CEP290: variants seen among roughly 807,000 people sequenced by gnomAD.
The protein encoded by CEP290 is centrosomal protein 290.
CEP290 carries 317 observed loss-of-function variants against 344.9 expected under a neutral mutation model. That is an observed-to-expected ratio of 0.92 (90% confidence interval 0.84 to 1.01). CEP290 has a LOEUF of 1.01. Ranked by LOEUF, CEP290 falls within the 50% of genes least tolerant of loss-of-function variation. CEP290 has a pLI of 0.00. For missense variants in CEP290, 2,754 were observed against 2,761.4 expected, an observed-to-expected ratio of 1.00 and a Z score of 0.06; for synonymous variants, 932 against 895.8, an observed-to-expected ratio of 1.04 and a Z score of -0.72.
Position 88,111,228 on chromosome 12 carries a change from T to C in CEP290, c.2341A>G (p.Asn781Asp). The C allele has an allele frequency of 7.1e-7, 1 of 1,417,344 alleles. No homozygotes were observed. The allele number at this position is 1,417,344 out of a possible 1,614,324, so 87.8% of individuals were successfully genotyped here. The change falls in exon 22 of 54, where the codon AAT (asparagine) becomes GAT (aspartate). Residue 781 changes from asparagine (N) to aspartate (D), a missense_variant. Physicochemically the swap from Asn to Asp is conservative, Grantham distance 23 (BLOSUM62 1). Coordinates refer to ENST00000552810, the MANE Select transcript of CEP290 (RefSeq NM_025114.4). ...PSSASIINSQ[N>D]EYLIHLLQEL... ...TGTAACAAATGTATTAAATATTCAT[T>C]CTGAGAATTAATGATACTGGCACTA...
chr12:88,076,946 G>A (rs921151991), intron 41 of CEP290, among the ~76,000 whole-genome samples: 1 of 151,996 alleles, frequency 6.6e-6, no homozygotes, highest in African/African-American at 2.4e-5. Flanking sequence ...AACTTCAGAG[G>A]TACTCTAATG....
At position 88,129,709 on chromosome 12, in the gene CEP290, A is replaced by ATCGT. The variant is rs1489175048; in HGVS notation, c.833_836dup (p.Asp279GlufsTer20). The ATCGT allele has an allele frequency of 1.4e-6, 2 of 1,435,970 alleles. No individual in the cohort carries two copies. The highest frequency in any genetic ancestry group is 1.9e-6 in the Non-Finnish European group (2 of 1,066,254). 89.0% of individuals were successfully genotyped at this position (1,435,970 alleles called of 1,614,324 possible). On this transcript the variant is annotated frameshift_variant, in exon 10 of 54. Transcript: ENST00000552810. LOFTEE classifies it high-confidence loss of function. ...TAATTCTTACTTGAAGTTGATAATG[A>ATCGT]TCGTTTTCTTTTTTTAACTGATCTA... is the stretch of plus-strand genomic sequence containing the variant.
chr12:88,054,946 T>C (rs1202656718), intron 50 of CEP290, among the ~76,000 whole-genome samples: 1 of 152,138 alleles, frequency 6.6e-6, no homozygotes, highest in Non-Finnish European at 1.5e-5. Flanking sequence ...GTTTGGATTG[T>C]TTAAAGTACT....
rs767725492 is a variant in CEP290 at position 88,130,328 on chromosome 12, G to A, written c.609C>T (p.Asp203=). 45 of 1,609,054 alleles carry A rather than the reference G, an allele frequency of 2.8e-5. No individual in the cohort carries two copies. The highest frequency in any genetic ancestry group is 1.7e-4 in the Middle Eastern group (1 of 6,034). The change falls in exon 9 of 54, where the codon GAC becomes GAT. Residue 203 remains aspartate (D), a synonymous_variant. Transcript: ENST00000552810. The part of the protein sequence containing the change: ...TLLSRRGEDS[D]YRSQLSKKNY... The stretch of plus-strand genomic sequence containing the variant: ...TTTTTTTAGACAACTGTGATCGGTA[G>A]TCACTGTCTTCCCCTCTTCTTGATA...
chr12:88,094,612 C>A (rs1437049591), intron 27 of CEP290, among the ~76,000 whole-genome samples: 1 of 151,796 alleles, frequency 6.6e-6, no homozygotes, highest in Non-Finnish European at 1.5e-5. Flanking sequence ...GGAAAGAGAA[C>A]TAAAAGCCTC....
chr12:88,097,610 TAC>T (rs34989046), intron 26 of CEP290, among the ~76,000 whole-genome samples: 16,739 of 144,190 alleles, frequency 0.12, 1,224 homozygotes, highest in African/African-American at 0.21. Flanking sequence ...CACACACACA[TAC>T]ACACACACAC....
At chr12:88,052,115 C>T (rs1420426784) in intron 52 of CEP290, among the ~76,000 whole-genome samples, 1 of 152,138 alleles carries the variant, frequency 6.6e-6, no homozygotes, top group African/African-American at 2.4e-5. Context: ...AGCATAGTGT[C>T]TAGTACAACT....
At position 88,130,660 on chromosome 12, in the gene CEP290, T is replaced by G. The variant is rs554099350; in HGVS notation, c.496-95A>C. The G allele has an allele frequency of 1.1e-4, 135 of 1,185,786 alleles. No homozygotes were observed. In the African/African-American group the frequency reaches 1.4e-3, roughly 12 times the overall value. 73.5% of individuals were successfully genotyped at this position (1,185,786 alleles called of 1,614,324 possible). On this transcript the variant is annotated intron_variant, in intron 7 of 53. Transcript: ENST00000552810. ...GAAACTAAAGAAAACAAAAAAATTT[T>G]GGGAAAATGATGCATATTATCTTGA...
intron 49 of CEP290, among the ~76,000 whole-genome samples, chr12:88,057,051 C>A (rs950643382): frequency 1.3e-5 from 2 of 152,066 alleles, no homozygotes; most frequent in African/African-American, 4.8e-5. Flanking sequence ...CGTTCTCAGA[C>A]GAAAAACACG....
intron 13 of CEP290, among the ~76,000 whole-genome samples, chr12:88,123,168 C>T (rs949224702): frequency 1.3e-5 from 2 of 152,008 alleles, no homozygotes; most frequent in Non-Finnish European, 2.9e-5. Context: ...TATTATTGTT[C>T]CAGAAGTTCT....
intron 26 of CEP290, among the ~76,000 whole-genome samples, chr12:88,102,427 T>C (rs988530124): frequency 6.6e-6 from 1 of 152,134 alleles, no homozygotes; most frequent in Non-Finnish European, 1.5e-5. Context: ...CATGGGAGAA[T>C]AGTTTGTTCT....
chr12:88,084,347 A>G (rs2036414397), intron 35 of CEP290, among the ~76,000 whole-genome samples: 1 of 152,118 alleles, frequency 6.6e-6, no homozygotes, highest in Non-Finnish European at 1.5e-5. Context: ...ATTTTTCAAA[A>G]TCATATGATT....
intron 26 of CEP290, among the ~76,000 whole-genome samples, chr12:88,098,195 C>T (rs995569231): frequency 6.6e-6 from 1 of 151,830 alleles, no homozygotes; most frequent in Non-Finnish European, 1.5e-5. Context: ...ATCCCAGCTA[C>T]TCAGGAGACT....
chr12:88,092,435 A>G (rs1008954383), intron 29 of CEP290, among the ~76,000 whole-genome samples: 1 of 152,144 alleles, frequency 6.6e-6, no homozygotes, highest in Admixed American at 6.5e-5. Flanking sequence ...ACCTTTCTGC[A>G]ATAATATTCC....
In CEP290 at chr12:88,111,252, T is replaced by A. The variant is rs748976722; in HGVS notation, c.2317A>T (p.Ser773Cys). The A allele has an allele frequency of 4.6e-6, 7 of 1,508,100 alleles. No homozygotes were observed. Among genetic ancestry groups the A allele is most frequent in the Non-Finnish European group, 5.3e-6 (6 of 1,126,808 alleles). The allele number at this position is 1,508,100 out of a possible 1,614,324, so 93.4% of individuals were successfully genotyped here. Residue 773 changes from serine to cysteine, a missense_variant, in exon 22 of 54, where the codon AGT (serine) becomes TGT (cysteine). Transcript: ENST00000552810. The part of the protein sequence containing the change: ...IDLPDGIAPS[S>C]ASIINSQNEY... ...TTCTGAGAATTAATGATACTGGCACTAGATGGTGCTATCCCATCAGGTAAG... is the reference window on the plus strand; with the variant it reads ...TTCTGAGAATTAATGATACTGGCACAAGATGGTGCTATCCCATCAGGTAAG...
chr12:88,125,293 T>C lies in CEP290; in HGVS notation c.1142A>G (p.Asn381Ser), dbSNP rs1295338042. ...TTTCAAATCTTCAATAATACAAGTA[T>C]TCTTTTCCATTTCTTTTGTATATTG... ...VEQYTKEMEK[N>S]TCIIEDLKNE... The change falls in exon 13 of 54, where the codon AAT becomes AGT. Residue 381 changes from asparagine to serine, a missense_variant. Transcript: ENST00000552810. The C allele has an allele frequency of 4.4e-6, 5 of 1,144,906 alleles. No individual in the cohort carries two copies. The highest frequency in any genetic ancestry group is 4.7e-5 in the South Asian group (2 of 42,714). 70.9% of individuals were successfully genotyped at this position (1,144,906 alleles called of 1,614,324 possible).
At chr12:88,101,278 G>A (rs891580332) in intron 26 of CEP290, among the ~76,000 whole-genome samples, 2 of 150,958 alleles carry the variant, frequency 1.3e-5, no homozygotes, top group Non-Finnish European at 3.0e-5. Flanking sequence ...TCAGGAGATC[G>A]ACACCATCCT....
chr12:88,059,816 A>G (rs1220015868), intron 48 of CEP290, 82 bp downstream of exon 48: 4 of 1,171,260 alleles, frequency 3.4e-6, no homozygotes, highest in Admixed American at 2.9e-5. Context: ...AGACACTCTC[A>G]TCAAGGATCT....
intron 26 of CEP290, 26 bp from the exon 27 acceptor site, chr12:88,097,025 G>A: frequency 8.6e-7 from 1 of 1,160,040 alleles, no homozygotes; most frequent in Non-Finnish European, 1.2e-6. Context: ...ATATCACTAA[G>A]AAACTACATT....
Sources: allele counts gnomAD v4.1 joint callset (sites outside exome capture counted in the v4.1 genomes callset), GRCh38; gene constraint gnomAD v4.1.1; transcripts MANE v1.5; gene names NCBI Gene and HGNC (gene_info 2026-07-23, HGNC 2026-07-21).